Variants in STAT3 observed in about 807,000 individuals in gnomAD.
STAT3 encodes the protein signal transducer and activator of transcription 3.
In STAT3, 7 loss-of-function variants were observed where a neutral mutation model predicts 114.3. The observed-to-expected ratio is 0.06, with a 90% CI of 0.03 to 0.11. STAT3 has a LOEUF of 0.11. Ranked by LOEUF, STAT3 falls within the 10% of genes least tolerant of loss-of-function variation. The pLI, the probability that STAT3 is intolerant of heterozygous loss-of-function variation, is 1.00. For synonymous variants in STAT3, 331 were observed against 354.5 expected, an observed-to-expected ratio of 0.93 and a Z score of 0.74; for missense variants, 364 against 960.9, an observed-to-expected ratio of 0.38 and a Z score of 8.21.
intron 1 of STAT3, among the ~76,000 whole-genome samples, chr17:42,380,894 C>G (rs2084754586): frequency 6.6e-6 from 1 of 152,108 alleles, no homozygotes; most frequent in African/African-American, 2.4e-5. Flanking sequence ...GCCTAGGTGA[C>G]AGAGTGAGAA....
At chr17:42,383,096 C>T (rs1423698298) in intron 1 of STAT3, among the ~76,000 whole-genome samples, 3 of 150,908 alleles carry the variant, frequency 2.0e-5, no homozygotes, top group Non-Finnish European at 4.4e-5. Flanking sequence ...TCACTCTGTC[C>T]CCCAGTCTGG....
intron 1 of STAT3, among the ~76,000 whole-genome samples, chr17:42,352,310 G>A (rs1229076777): frequency 6.6e-6 from 1 of 152,016 alleles, no homozygotes; most frequent in Non-Finnish European, 1.5e-5. Flanking sequence ...CTGCACTCCA[G>A]CCTGGGCAAT....
rs998343820 is a variant in STAT3 at position 42,314,311 on chromosome 17, A to G, written c.*1434T>C. The G allele has an allele frequency of 1.7e-5, 4 of 233,422 alleles. No individual in the cohort carries two copies. The highest frequency in any genetic ancestry group is 8.8e-5 in the African/African-American group (4 of 45,314). The allele number at this position is 233,422 out of a possible 1,614,324, so 14.5% of individuals were successfully genotyped here. ...GCTAAGAACCATATTCCCTGAGCTC[A>G]ACCAGACACGTCGCTGGGGCCCCAT... is the stretch of plus-strand genomic sequence containing the variant. On this transcript the variant is annotated 3_prime_UTR_variant, in exon 24 of 24. Transcript: ENST00000264657.
In STAT3 at chr17:42,329,399, A is replaced by G. The variant is rs776564054; in HGVS notation, c.1281+11T>C. On this transcript the variant is annotated intron_variant, in intron 14 of 23. Transcript: ENST00000264657. The stretch of plus-strand genomic sequence containing the variant: ...ACACCCCAGTTGTCTTTCATCCCCA[A>G]CAAAACTTACATCACAATTGGCTCG... 1 of 1,613,702 alleles carries G rather than the reference A, an allele frequency of 6.2e-7. No homozygotes were observed. Among genetic ancestry groups the G allele is most frequent in the South Asian group, 1.1e-5 (1 of 91,064 alleles).
In STAT3 at chr17:42,347,203, A is replaced by AC. The variant is rs1555570730; in HGVS notation, c.129-491dup. Among the ~76,000 whole-genome samples, 714 of 144,940 alleles carry AC rather than the reference A, an allele frequency of 4.9e-3. 13 individuals are homozygous for AC. The highest frequency in any genetic ancestry group is 0.015 in the African/African-American group (609 of 39,706). ...CCATCTCAAAAAAAAAAAAAAAAAAACCACAAAACAAAAAAACAATTATTC... is the reference window on the plus strand; with the variant it reads ...CCATCTCAAAAAAAAAAAAAAAAAAACCCACAAAACAAAAAAACAATTATTC... On this transcript the variant is annotated intron_variant, in intron 2 of 23. Coordinates refer to ENST00000264657, the MANE Select transcript of STAT3 (RefSeq NM_139276.3).
Position 42,337,091 on chromosome 17 carries a change from G to A in STAT3, c.797+344C>T, listed in dbSNP as rs892062034. 3.9e-5 allele frequency among the ~76,000 whole-genome samples: 6 copies of A among 152,012 alleles called. No homozygotes were observed. Among genetic ancestry groups the A allele is most frequent in the African/African-American group, 1.5e-4 (6 of 41,378 alleles). On this transcript the variant is annotated intron_variant, in intron 8 of 23. Coordinates refer to ENST00000264657, the MANE Select transcript of STAT3 (RefSeq NM_139276.3). This position sits in a 1 kb window ranked among gnomAD's most constrained non-coding sequence, Gnocchi z 4.0. Reference sequence around the variant, plus strand: ...TATCCCAGGTTCAAGTGATTCTCCTGCCTCAGCCGCCCAGAGTAGCTGGGA... The same window carrying A: ...TATCCCAGGTTCAAGTGATTCTCCTACCTCAGCCGCCCAGAGTAGCTGGGA...
chr17:42,368,222 C>G (rs1167887195), intron 1 of STAT3, among the ~76,000 whole-genome samples: 1 of 152,010 alleles, frequency 6.6e-6, no homozygotes. Context: ...AATAAATAAA[C>G]AAAAGGCATT....
At chr17:42,360,794 G>T (rs557502062) in intron 1 of STAT3, among the ~76,000 whole-genome samples, 9 of 152,044 alleles carry the variant, frequency 5.9e-5, no homozygotes, top group Non-Finnish European at 1.0e-4. Context: ...ACCCACATCT[G>T]GATGCTATTC....
At chr17:42,316,731 T>C (rs1290307533) in intron 23 of STAT3, 58 bp downstream of exon 23, 3 of 1,609,992 alleles carry the variant, frequency 1.9e-6, no homozygotes, top group Admixed American at 1.7e-5. Context: ...TGTGAGAGCA[T>C]CACACAAAGG....
rs1477259564 is a variant in STAT3, at chr17:42,314,692, A to G, written c.*1053T>C. On this transcript the variant is annotated 3_prime_UTR_variant, in exon 24 of 24. Coordinates refer to ENST00000264657, the MANE Select transcript of STAT3 (RefSeq NM_139276.3). ...TTATAAAAAAAAGTCTAAAATGCTTAGATTCTCCTTAAACCTTCCTATTTC... is the reference window on the plus strand; with the variant it reads ...TTATAAAAAAAAGTCTAAAATGCTTGGATTCTCCTTAAACCTTCCTATTTC... The G allele has an allele frequency of 4.5e-6, 1 of 223,226 alleles. No homozygotes were observed. Among genetic ancestry groups the G allele is most frequent in the Non-Finnish European group, 9.0e-6 (1 of 111,508 alleles). 13.8% of individuals were successfully genotyped at this position (223,226 alleles called of 1,614,324 possible). A position where few individuals can be genotyped will look rare whatever the true frequency, so the allele number is the denominator to read the frequency against.
chr17:42,380,303 G>A (rs539622398), intron 1 of STAT3, among the ~76,000 whole-genome samples: 29 of 151,770 alleles, frequency 1.9e-4, no homozygotes, highest in Non-Finnish European at 3.4e-4. Flanking sequence ...AATTACAGGC[G>A]TGAGCCACCA....
chr17:42,327,790 G>A (rs1409355942), intron 14 of STAT3, among the ~76,000 whole-genome samples: 1 of 152,154 alleles, frequency 6.6e-6, no homozygotes. Context: ...GCTCATGCCT[G>A]TAATCCCAGC....
chr17:42,327,925 C>T (rs1469956951), intron 14 of STAT3, among the ~76,000 whole-genome samples: 1 of 151,754 alleles, frequency 6.6e-6, no homozygotes, highest in Non-Finnish European at 1.5e-5. Context: ...ATGCACCTAT[C>T]GTCCCAGCTA....
chr17:42,356,327 G>C (rs1174839931), intron 1 of STAT3, among the ~76,000 whole-genome samples: 1 of 151,996 alleles, frequency 6.6e-6, no homozygotes, highest in Non-Finnish European at 1.5e-5. Context: ...CAGGTGTGGT[G>C]GTCTGTGACC....
chr17:42,336,754 T>C (rs1470826003), intron 8 of STAT3, among the ~76,000 whole-genome samples: 2 of 152,130 alleles, frequency 1.3e-5, no homozygotes, highest in South Asian at 4.1e-4. Flanking sequence ...TTAAAAATTT[T>C]TTCTTCTCTT....
chr17:42,374,343 C>G (rs2084333546), intron 1 of STAT3: 1 of 152,370 alleles, frequency 6.6e-6, no homozygotes, highest in Admixed American at 6.5e-5. Context: ...TGCGGTGGCT[C>G]ATGCCTGTAA....
At chr17:42,380,513 T>C (rs1339750652) in intron 1 of STAT3, among the ~76,000 whole-genome samples, 8 of 151,652 alleles carry the variant, frequency 5.3e-5, no homozygotes, top group African/African-American at 1.7e-4. Flanking sequence ...GCCTCCCGAG[T>C]AGCTGGGATT....
At chr17:42,329,938 G>A (rs915864168) in intron 11 of STAT3, among the ~76,000 whole-genome samples, 162 bp from the exon 12 acceptor site, 3 of 152,176 alleles carry the variant, frequency 2.0e-5, no homozygotes, top group South Asian at 4.1e-4. Context: ...ACACCTCTGC[G>A]TAGCAGGCAC....
intron 14 of STAT3, among the ~76,000 whole-genome samples, chr17:42,328,023 C>T (rs183053165): frequency 3.0e-4 from 45 of 148,568 alleles, no homozygotes; most frequent in African/African-American, 5.8e-4. Context: ...TCCGATAGAA[C>T]GAGACTCCGA....
Sources: allele counts gnomAD v4.1 joint callset (sites outside exome capture counted in the v4.1 genomes callset), GRCh38; gene constraint gnomAD v4.1.1; non-coding constraint Gnocchi (gnomAD v3.1); transcripts MANE v1.5; gene names NCBI Gene and HGNC (gene_info 2026-07-23, HGNC 2026-07-21).